The following FLT1 variants were observed in gnomAD, a reference collection of about 807,000 sequenced individuals.
The protein encoded by FLT1 is vascular endothelial growth factor receptor 1.
FLT1 carries 49 observed loss-of-function variants against 156.3 expected under a neutral mutation model. The ratio of observed to expected loss-of-function variants is 0.31; its 90% confidence interval spans 0.25 to 0.40. The LOEUF is 0.40. FLT1 is among the 10% of genes least tolerant of loss of function. FLT1 has a pLI of 1.00. For synonymous variants in FLT1, 594 were observed against 583.8 expected (o/e 1.02, Z -0.25); for missense variants, 1,322 against 1,637.2 (o/e 0.81, Z 3.32).
At chr13:28,377,706 G>A (rs1873897538) in intron 14 of FLT1, among the ~76,000 whole-genome samples, 1 of 152,206 alleles carries the variant, frequency 6.6e-6, no homozygotes, top group Non-Finnish European at 1.5e-5. Flanking sequence ...TAGGCTGATA[G>A]GACATGCATT....
At chr13:28,442,908 C>T (rs1171814036) in intron 3 of FLT1, among the ~76,000 whole-genome samples, 2 of 152,222 alleles carry the variant, frequency 1.3e-5, no homozygotes, top group African/African-American at 4.8e-5. Flanking sequence ...AGTAAAACCA[C>T]TTACTACTCC....
chr13:28,400,493 A>T (rs1225405299), intron 11 of FLT1, among the ~76,000 whole-genome samples: 1 of 152,226 alleles, frequency 6.6e-6, no homozygotes, highest in Non-Finnish European at 1.5e-5. Flanking sequence ...CATTAAAAAT[A>T]AAATTATTTG....
At chr13:28,435,502 G>GA (rs931787787) in intron 4 of FLT1, among the ~76,000 whole-genome samples, 2 of 152,052 alleles carry the variant, frequency 1.3e-5, no homozygotes, top group Non-Finnish European at 2.9e-5. Flanking sequence ...GAAAAAGGGG[G>GA]AAAAAAATCA....
chr13:28,382,971 G>A (rs956944134), intron 14 of FLT1, among the ~76,000 whole-genome samples: 1 of 152,014 alleles, frequency 6.6e-6, no homozygotes, highest in Non-Finnish European at 1.5e-5. Flanking sequence ...TTGTGTAGAG[G>A]ACTTACATTT....
chr13:28,400,806 G>C (rs1875383978), intron 11 of FLT1, among the ~76,000 whole-genome samples: 1 of 152,202 alleles, frequency 6.6e-6, no homozygotes, highest in Non-Finnish European at 1.5e-5. Flanking sequence ...ATTCTATAAG[G>C]TATGCAAAAA....
At chr13:28,464,358 G>T (rs569634227) in intron 3 of FLT1, among the ~76,000 whole-genome samples, 4 of 152,310 alleles carry the variant, frequency 2.6e-5, no homozygotes, top group Admixed American at 2.6e-4. Flanking sequence ...AGGCAGACAT[G>T]ATAAATACAT....
intron 10 of FLT1, among the ~76,000 whole-genome samples, chr13:28,411,912 T>G (rs76145087): frequency 0.025 from 3,884 of 152,314 alleles, 164 homozygotes; most frequent in African/African-American, 0.087. Context: ...TTTTCTTTTT[T>G]GGATGATGAA....
rs528505065 is a variant in FLT1, at chr13:28,389,569, C to T, written c.1969+227G>A. 2.4e-5 allele frequency: 35 copies of T among 1,438,154 alleles called. No individual in the cohort carries two copies. In the African/African-American group the frequency reaches 2.7e-4, roughly 11 times the overall value. The allele number at this position is 1,438,154 out of a possible 1,614,324, so 89.1% of individuals were successfully genotyped here. The stretch of plus-strand genomic sequence containing the variant: ...GAATGGGGGGCCCAGAGCTGGGGCC[C>T]GGGGGTCTCATTATTACTGCTATCA... On this transcript the variant is annotated intron_variant, in intron 13 of 29. Coordinates refer to ENST00000282397, the MANE Select transcript of FLT1 (RefSeq NM_002019.4).
intron 10 of FLT1, among the ~76,000 whole-genome samples, chr13:28,423,860 T>C (rs1384072364): frequency 6.6e-6 from 1 of 152,264 alleles, no homozygotes; most frequent in Non-Finnish European, 1.5e-5. Flanking sequence ...AAAAATAAAA[T>C]ATTCCACCTT....
At chr13:28,352,356 G>A (rs370914633) in intron 15 of FLT1, among the ~76,000 whole-genome samples, 26 of 152,276 alleles carry the variant, frequency 1.7e-4, no homozygotes, top group Middle Eastern at 3.4e-3. Context: ...TTCTATAAGC[G>A]CAAGATATTA....
intron 15 of FLT1, among the ~76,000 whole-genome samples, chr13:28,356,651 AG>A (rs1872908483): frequency 6.6e-6 from 1 of 152,202 alleles, no homozygotes; most frequent in African/African-American, 2.4e-5. Flanking sequence ...TGTAAGTTTC[AG>A]GGGGAAAAAA....
At chr13:28,368,889 G>C (rs1873425858) in intron 14 of FLT1, among the ~76,000 whole-genome samples, 1 of 151,780 alleles carries the variant, frequency 6.6e-6, no homozygotes, top group Admixed American at 6.6e-5. Context: ...GTTTTTAGTT[G>C]AGATGGGGTT....
intron 25 of FLT1, among the ~76,000 whole-genome samples, chr13:28,314,907 A>G (rs754671154): frequency 7.9e-5 from 12 of 152,206 alleles, no homozygotes; most frequent in South Asian, 4.1e-4. Context: ...AGGTTTATGT[A>G]AAGACTTGAA....
intron 12 of FLT1, among the ~76,000 whole-genome samples, chr13:28,396,339 A>T (rs1875040023): frequency 1.3e-5 from 2 of 152,152 alleles, no homozygotes; most frequent in Non-Finnish European, 2.9e-5. Flanking sequence ...TTATACTTTG[A>T]GCTACTTACT....
chr13:28,450,877 A>C (rs1878890378), intron 3 of FLT1, among the ~76,000 whole-genome samples: 1 of 152,108 alleles, frequency 6.6e-6, no homozygotes, highest in Non-Finnish European at 1.5e-5. Flanking sequence ...CCTCCACCAC[A>C]CCAAAATCTG....
At chr13:28,457,167 A>G (rs961153661) in intron 3 of FLT1, among the ~76,000 whole-genome samples, 5 of 150,426 alleles carry the variant, frequency 3.3e-5, no homozygotes, top group Non-Finnish European at 5.9e-5. Context: ...TCTAGGAAAA[A>G]AAAAAATCAT....
intron 11 of FLT1, among the ~76,000 whole-genome samples, chr13:28,403,501 T>A (rs1875591600): frequency 6.6e-6 from 1 of 152,254 alleles, no homozygotes; most frequent in Non-Finnish European, 1.5e-5. Context: ...CTTTCTCATT[T>A]TTCATTTCAT....
At chr13:28,412,350 C>CTTTTCTTTCTTTTTTTTTCTTTTTT (rs71086853) in intron 10 of FLT1, among the ~76,000 whole-genome samples, 1 of 93,708 alleles carries the variant, frequency 1.1e-5, no homozygotes. Flanking sequence ...TTCTTTCTTT[C>CTTTTCTTTCTTTTTTTTTCTTTTTT]TCTTTCTTTC....
intron 4 of FLT1, among the ~76,000 whole-genome samples, chr13:28,434,533 TA>T (rs1447454672): frequency 6.6e-6 from 1 of 152,210 alleles, no homozygotes; most frequent in Non-Finnish European, 1.5e-5. Flanking sequence ...TTGGAGCCCA[TA>T]ACTCTTTGGC....
Sources: gnomAD v4.1 joint callset for allele counts (sites outside exome capture counted in the v4.1 genomes callset) on GRCh38, gnomAD v4.1.1 for gene constraint, MANE v1.5 for transcripts, NCBI Gene and HGNC (gene_info 2026-07-23, HGNC 2026-07-21) for gene names.